The following ARHGAP23 variants were observed in gnomAD, a reference collection of about 807,000 sequenced individuals.
ARHGAP23 encodes the protein Rho GTPase activating protein 23.
In ARHGAP23, 34 loss-of-function variants were observed where a neutral mutation model predicts 136.3. That is an observed-to-expected ratio of 0.25 (90% CI 0.19 to 0.33). The LOEUF is 0.33. ARHGAP23 is among the 10% of genes least tolerant of loss of function. The pLI is 1.00. For synonymous variants in ARHGAP23, 832 were observed against 920.5 expected, an observed-to-expected ratio of 0.90 and a Z score of 1.74; for missense variants, 1,808 against 2,139.0, an observed-to-expected ratio of 0.85 and a Z score of 3.05.
intron 10 of ARHGAP23, among the ~76,000 whole-genome samples, chr17:38,470,359 G>A (rs1195119749): frequency 6.6e-6 from 1 of 152,202 alleles, no homozygotes; most frequent in Middle Eastern, 3.2e-3. Flanking sequence ...TTATATTTGG[G>A]GCTTCATTTG....
chr17:38,439,190 A>G lies in ARHGAP23; in HGVS notation c.63+10642A>G, dbSNP rs376462646. On this transcript the variant is annotated intron_variant, in intron 1 of 23. Coordinates refer to ENST00000622683, the MANE Select transcript of ARHGAP23 (RefSeq NM_001199417.2). The stretch of plus-strand genomic sequence containing the variant: ...GAGACTCTGTCTAAAAAAAAAAAAA[A>G]GAGTGGGAGTATGTCACCCTCTTCC... 2.9e-3 allele frequency among the ~76,000 whole-genome samples: 446 copies of G among 151,274 alleles called. 2 individuals are homozygous for G. The highest frequency in any genetic ancestry group is 9.8e-3 in the African/African-American group (405 of 41,300).
At chr17:38,509,568 C>T (rs1038897293) in intron 23 of ARHGAP23, among the ~76,000 whole-genome samples, 1 of 152,152 alleles carries the variant, frequency 6.6e-6, no homozygotes, top group African/African-American at 2.4e-5. Context: ...CTGGTGATGA[C>T]ACCCCAGGGG....
rs906632336 is a variant in ARHGAP23 at position 38,467,104 on chromosome 17, G to A, written c.1421G>A (p.Ser474Asn). 6.4e-7 allele frequency: 1 copy of A among 1,550,466 alleles called. No individual in the cohort carries two copies. The highest frequency in any genetic ancestry group is 8.7e-7 in the Non-Finnish European group (1 of 1,146,720). Residue 474 changes from serine (S) to asparagine (N), a missense_variant, in exon 7 of 24, where the codon AGC (serine) becomes AAC (asparagine). Transcript: ENST00000622683. ...CCCAGGGTTGTACGGCCGGAACCCA[G>A]CACCCGGGCCCTGGAGCCTCCTGCG... ...EPPRVVRPEP[S>N]TRALEPPAED...
chr17:38,460,032 A>C (rs909592717), intron 2 of ARHGAP23, among the ~76,000 whole-genome samples: 1 of 152,156 alleles, frequency 6.6e-6, no homozygotes, highest in Admixed American at 6.5e-5. Context: ...CAATGGGTAC[A>C]TGTGTGGAGA....
chr17:38,469,657 G>C (rs1218125157), intron 9 of ARHGAP23, 22 bp downstream of exon 9: 3 of 1,546,286 alleles, frequency 1.9e-6, no homozygotes, highest in Admixed American at 2.0e-5. Context: ...TCCGGACACG[G>C]GGTGGGGTGG....
Position 38,477,992 on chromosome 17 carries a change from T to A in ARHGAP23, c.2436+96T>A, listed in dbSNP as rs2039938520. On this transcript the variant is annotated intron_variant, in intron 12 of 23. Coordinates refer to ENST00000622683, the MANE Select transcript of ARHGAP23 (RefSeq NM_001199417.2). This position sits in a 1 kb window ranked among gnomAD's most constrained non-coding sequence, Gnocchi z 6.6. ...ATGCCCGCTCTGAGCCTCACTTCCCTCTGCTAGAAAGGGGGGCTGACAGGA... is the reference window on the plus strand; with the variant it reads ...ATGCCCGCTCTGAGCCTCACTTCCCACTGCTAGAAAGGGGGGCTGACAGGA... The A allele has an allele frequency of 2.3e-6, 3 of 1,308,150 alleles. No homozygotes were observed. In the Admixed American group the frequency reaches 6.2e-5, roughly 27 times the overall value. 81.0% of individuals were successfully genotyped at this position (1,308,150 alleles called of 1,614,324 possible).
chr17:38,461,312 G>C (rs1480412927), intron 3 of ARHGAP23, among the ~76,000 whole-genome samples: 1 of 152,218 alleles, frequency 6.6e-6, no homozygotes, highest in East Asian at 1.9e-4. Context: ...TGGTGGGAGC[G>C]CTGAGCAAAG....
At chr17:38,445,190 G>A (rs1438316607) in intron 1 of ARHGAP23, among the ~76,000 whole-genome samples, 1 of 151,582 alleles carries the variant, frequency 6.6e-6, no homozygotes, top group Non-Finnish European at 1.5e-5. Flanking sequence ...AATACGGCCG[G>A]GTGCTGTGGC....
chr17:38,464,027 C>G (rs1414824222), intron 6 of ARHGAP23, among the ~76,000 whole-genome samples: 1 of 152,122 alleles, frequency 6.6e-6, no homozygotes, highest in Admixed American at 6.5e-5. Context: ...CCCCTTGGCT[C>G]CCTGCAGTAC....
intron 6 of ARHGAP23, among the ~76,000 whole-genome samples, chr17:38,464,906 G>A (rs929241749): frequency 6.6e-6 from 1 of 152,136 alleles, no homozygotes; most frequent in African/African-American, 2.4e-5. Flanking sequence ...ATCGGGCCTC[G>A]GCAGCTGCTG....
chr17:38,490,364 G>A, intron 18 of ARHGAP23, 98 bp from the exon 19 acceptor site: 6 of 1,165,598 alleles, frequency 5.1e-6, no homozygotes. Flanking sequence ...CAGACTCCCT[G>A]AGGCATGGTA....
intron 1 of ARHGAP23, among the ~76,000 whole-genome samples, chr17:38,433,765 G>GGAT (rs1386160502): frequency 6.6e-6 from 1 of 152,172 alleles, no homozygotes; most frequent in Non-Finnish European, 1.5e-5. Context: ...GTAGTCCTGA[G>GGAT]AGGCTGCCTG....
intron 1 of ARHGAP23, among the ~76,000 whole-genome samples, chr17:38,448,116 T>C (rs572569096): frequency 5.7e-4 from 86 of 152,152 alleles, no homozygotes; most frequent in Non-Finnish European, 9.7e-4. Flanking sequence ...GGTAGTGCTC[T>C]GGGCTTGCCA....
chr17:38,428,182 T>G (rs902852699), upstream of ARHGAP23, among the ~76,000 whole-genome samples: 1 of 152,178 alleles, frequency 6.6e-6, no homozygotes, highest in Non-Finnish European at 1.5e-5. Context: ...GCCGGTCCCT[T>G]AGAGGCCGGG....
chr17:38,492,166 G>T (rs1358819171), intron 20 of ARHGAP23, among the ~76,000 whole-genome samples: 2 of 152,182 alleles, frequency 1.3e-5, no homozygotes, highest in Non-Finnish European at 2.9e-5. Context: ...ATGGGCGGAG[G>T]AGAACCCAGA....
chr17:38,466,051 CGCTTGGT>C, intron 6 of ARHGAP23, 109 bp from the exon 7 acceptor site: 1 of 801,878 alleles, frequency 1.2e-6, no homozygotes, highest in Non-Finnish European at 1.8e-6. Flanking sequence ...TTCCCCCCAC[CGCTTGGT>C]CCTCTCCCTT....
chr17:38,489,025 A>G (rs1021388036), intron 17 of ARHGAP23, among the ~76,000 whole-genome samples: 1 of 151,834 alleles, frequency 6.6e-6, no homozygotes, highest in Non-Finnish European at 1.5e-5. Flanking sequence ...ACAGGCGCCT[A>G]CCACCATGCC....
At chr17:38,479,915 T>C in intron 14 of ARHGAP23, 32 bp downstream of exon 14, 2 of 1,370,082 alleles carry the variant, frequency 1.5e-6, no homozygotes, top group Non-Finnish European at 1.9e-6. Context: ...CAGGGTGGTG[T>C]GTGGGGGCAG....
intron 1 of ARHGAP23, among the ~76,000 whole-genome samples, chr17:38,437,208 A>AT (rs11384705): frequency 0.57 from 81,464 of 144,176 alleles, 22,879 homozygotes; most frequent in East Asian, 0.67. Flanking sequence ...TGACGCCAGG[A>AT]TTTTTTTTTT....
Sources: allele counts gnomAD v4.1 joint callset (sites outside exome capture counted in the v4.1 genomes callset), GRCh38; gene constraint gnomAD v4.1.1; non-coding constraint Gnocchi (gnomAD v3.1); transcripts MANE v1.5; gene names NCBI Gene and HGNC (gene_info 2026-07-23, HGNC 2026-07-21).